The following DAGLB variants were observed in gnomAD, a reference collection of about 807,000 sequenced individuals.
DAGLB encodes diacylglycerol lipase beta, also known as diacylglycerol lipase-beta.
A neutral mutation model predicts 72.1 loss-of-function variants in DAGLB; 66 were observed. The observed-to-expected ratio is 0.92, with a 90% CI of 0.75 to 1.12. The LOEUF (loss-of-function observed/expected upper bound fraction) is 1.12, where lower values mean the gene tolerates loss of function less well. Ranked by LOEUF, DAGLB falls within the 50% of genes most tolerant of loss-of-function variation. The pLI, the probability that DAGLB is intolerant of heterozygous loss-of-function variation, is 0.00. For missense variants in DAGLB, 1,065 were observed against 884.9 expected, an observed-to-expected ratio of 1.20 and a Z score of -2.58; for synonymous variants, 414 against 359.5, an observed-to-expected ratio of 1.15 and a Z score of -1.71.
At position 6,409,865 on chromosome 7, in the gene DAGLB, T is replaced by C. The variant is rs2303361; in HGVS notation, c.1991A>G (p.Gln664Arg). Reference sequence around the variant, plus strand: ...GGCCACGTCCACACTGGAGACCCCTTGTGCTGGACAGGAGACGCAGGCCGC... The same window carrying C: ...GGCCACGTCCACACTGGAGACCCCTCGTGCTGGACAGGAGACGCAGGCCGC... Reference protein sequence around the residue: ...DRAACVSCPAQGVSSVDVA With the variant: ...DRAACVSCPARGVSSVDVA Residue 664 changes from glutamine (Q) to arginine (R), a missense_variant, in exon 15 of 15, where the codon CAA becomes CGA. Coordinates refer to ENST00000297056, the MANE Select transcript of DAGLB (RefSeq NM_139179.4). 0.21 allele frequency: 344,688 copies of C among 1,613,814 alleles called. 38,983 individuals carry two copies. The highest frequency in any genetic ancestry group is 0.23 in the Non-Finnish European group (275,638 of 1,179,968).
chr7:6,412,886 G>T lies in DAGLB; in HGVS notation c.1497-3C>A. On this transcript the variant is annotated splice_polypyrimidine_tract_variant and splice_region_variant and intron_variant, in intron 12 of 14. Coordinates refer to ENST00000297056, the MANE Select transcript of DAGLB (RefSeq NM_139179.4). ...CTTCCAAGTTGGTCACACTGAGCCT[G>T]TTTAGCAAAGGGGCACACTGAGGCT... The T allele has an allele frequency of 6.2e-7, 1 of 1,610,342 alleles. No individual in the cohort carries two copies. Among genetic ancestry groups the T allele is most frequent in the Non-Finnish European group, 8.5e-7 (1 of 1,178,100 alleles).
intron 7 of DAGLB, among the ~76,000 whole-genome samples, 169 bp downstream of exon 7, chr7:6,425,819 C>G (rs1156350542): frequency 2.0e-5 from 3 of 152,238 alleles, no homozygotes; most frequent in Non-Finnish European, 4.4e-5. Flanking sequence ...ACCAGGGCAT[C>G]TGTGTGGCTC....
chr7:6,429,427 T>C (rs906007888), intron 6 of DAGLB, among the ~76,000 whole-genome samples: 97 of 151,446 alleles, frequency 6.4e-4, no homozygotes, highest in African/African-American at 2.1e-3. Context: ...CAACTAGATG[T>C]AACGCATCAT....
intron 6 of DAGLB, among the ~76,000 whole-genome samples, chr7:6,429,690 C>T (rs774241526): frequency 6.6e-6 from 1 of 151,994 alleles, no homozygotes; most frequent in Admixed American, 6.6e-5. Flanking sequence ...ACCACAAGGT[C>T]AGGAGTTCCA....
chr7:6,412,977 A>ATCCT lies in DAGLB; in HGVS notation c.1481_1484dup (p.Asp495GlufsTer28). ...CCAGGTGGGCTTACCTGGGAATCACATCCTTCCCCAGGACGAGTGACACGA... is the reference window on the plus strand; with the variant it reads ...CCAGGTGGGCTTACCTGGGAATCACATCCTTCCTTCCCCAGGACGAGTGACACGA... On this transcript the variant is annotated frameshift_variant, in exon 12 of 15. Coordinates refer to ENST00000297056, the MANE Select transcript of DAGLB (RefSeq NM_139179.4). LOFTEE classifies it high-confidence loss of function. 1 of 1,613,958 alleles carries ATCCT rather than the reference A, an allele frequency of 6.2e-7. No homozygotes were observed.
chr7:6,446,755 T>A (rs1785018609), intron 1 of DAGLB, among the ~76,000 whole-genome samples: 1 of 150,728 alleles, frequency 6.6e-6, no homozygotes, highest in African/African-American at 2.4e-5. Context: ...ACGTCTGTAA[T>A]CCTAGCACTT....
chr7:6,447,934 T>A lies in DAGLB; in HGVS notation c.-92A>T, dbSNP rs917812207. The A allele has an allele frequency of 3.4e-6, 5 of 1,466,484 alleles. No individual in the cohort carries two copies. The African/African-American group carries it at 7.2e-5, about 21-fold the overall frequency. 90.8% of individuals were successfully genotyped at this position (1,466,484 alleles called of 1,614,324 possible). On this transcript the variant is annotated 5_prime_UTR_variant, in exon 1 of 15. Transcript: ENST00000297056. ...CCCTCCGGACGCCGCCACCAAATTA[T>A]CGGCGCTCAAGCGCAAACGCAGCGA...
At position 6,410,319 on chromosome 7, in the gene DAGLB, G is replaced by A; in HGVS notation, c.1631C>T (p.Pro544Leu). ...ELFGGNPNNLPTELDGGDQEV... is the reference protein window; with the variant it reads ...ELFGGNPNNLLTELDGGDQEV... ...CTGGTCGCCCCCGTCCAGCTCCGTG[G>A]GCAAGTTGTTGGGGTTTCCTCCAAA... The change falls in exon 14 of 15, where the codon CCC becomes CTC. Residue 544 changes from proline (P) to leucine (L), a missense_variant. By Grantham distance (98) the Pro-to-Leu change is moderately conservative. Transcript: ENST00000297056. 6.2e-7 allele frequency: 1 copy of A among 1,614,114 alleles called. No homozygotes were observed. The highest frequency in any genetic ancestry group is 8.5e-7 in the Non-Finnish European group (1 of 1,180,004).
At position 6,435,033 on chromosome 7, in the gene DAGLB, G is replaced by C. The variant is rs1257674370; in HGVS notation, c.420-13C>G. 8.7e-6 allele frequency: 14 copies of C among 1,611,698 alleles called. No individual in the cohort carries two copies. Among genetic ancestry groups the C allele is most frequent in the South Asian group, 7.7e-5 (7 of 90,982 alleles). ...GATGATGATCCAACTGCAAGACAGA[G>C]AGAGGAAAAGGCTCGGTGACTGCGG... On this transcript the variant is annotated splice_polypyrimidine_tract_variant and intron_variant, in intron 3 of 14. Transcript: ENST00000297056.
intron 3 of DAGLB, among the ~76,000 whole-genome samples, 187 bp downstream of exon 3, chr7:6,436,175 C>T (rs551094716): frequency 9.2e-5 from 14 of 151,890 alleles, no homozygotes; most frequent in Non-Finnish European, 1.5e-4. Context: ...ACGTGCATAA[C>T]GAAAGACGAG....
At chr7:6,438,732 G>A (rs780724309) in intron 2 of DAGLB, among the ~76,000 whole-genome samples, 2 of 152,134 alleles carry the variant, frequency 1.3e-5, no homozygotes, top group African/African-American at 2.4e-5. Flanking sequence ...TCTGATTAAG[G>A]TTCCAGAAAA....
chr7:6,415,087 G>A (rs1783858774), intron 11 of DAGLB, among the ~76,000 whole-genome samples: 1 of 114,132 alleles, frequency 8.8e-6, no homozygotes, highest in Non-Finnish European at 1.6e-5. Flanking sequence ...CCTGAGCACA[G>A]GAGGCAGAGG....
At chr7:6,444,287 T>C (rs560343926) in intron 2 of DAGLB, among the ~76,000 whole-genome samples, 67 of 151,730 alleles carry the variant, frequency 4.4e-4, no homozygotes, top group African/African-American at 1.5e-3. Context: ...AACAACAAAA[T>C]AGTTGTAACC....
intron 5 of DAGLB, among the ~76,000 whole-genome samples, chr7:6,432,335 A>C (rs1004103182): frequency 6.8e-6 from 1 of 148,120 alleles, no homozygotes; most frequent in Middle Eastern, 3.7e-3. Context: ...CAAGAGCAAA[A>C]CTCCATCTCA....
At chr7:6,428,908 G>A (rs1784395445) in intron 6 of DAGLB, among the ~76,000 whole-genome samples, 1 of 152,134 alleles carries the variant, frequency 6.6e-6, no homozygotes, top group African/African-American at 2.4e-5. Context: ...GGGCTCAAGT[G>A]TTTCTCCTGC....
chr7:6,442,752 T>A (rs908600178), intron 2 of DAGLB, among the ~76,000 whole-genome samples: 1 of 152,108 alleles, frequency 6.6e-6, no homozygotes. Context: ...TCTAGAGGCA[T>A]ACTAAAATAC....
chr7:6,409,969 T>G lies in DAGLB; in HGVS notation c.1887A>C (p.Ile629=), dbSNP rs767269752. Residue 629 remains isoleucine, a synonymous_variant, in exon 15 of 15, where the codon ATA becomes ATC. Transcript: ENST00000297056. The stretch of plus-strand genomic sequence containing the variant: ...CGGTGAGCATCTTCGGACCTATGAG[T>G]ATTTTGCTGAATTCCGCTTCGTGTG... ...KWSHEAEFSK[I]LIGPKMLTDH... 6.2e-7 allele frequency: 1 copy of G among 1,613,984 alleles called. No individual in the cohort carries two copies. Among genetic ancestry groups the G allele is most frequent in the South Asian group, 1.1e-5 (1 of 91,078 alleles).
At position 6,412,792 on chromosome 7, in the gene DAGLB, C is replaced by A. The variant is rs140982418; in HGVS notation, c.1569+19G>T. ...AGGCCCCGTGTCCTGCTGACCCTCT[C>A]AACAAGGCACCCGCTTACCTTGGGT... is the stretch of plus-strand genomic sequence containing the variant. On this transcript the variant is annotated intron_variant, in intron 13 of 14. Coordinates refer to ENST00000297056, the MANE Select transcript of DAGLB (RefSeq NM_139179.4). 367 of 1,570,234 alleles carry A rather than the reference C, an allele frequency of 2.3e-4. 2 individuals carry two copies. In the East Asian group the frequency reaches 6.5e-3, roughly 28 times the overall value.
Position 6,425,981 on chromosome 7 carries a change from T to C in DAGLB, c.1056+7A>G. On this transcript the variant is annotated splice_region_variant and intron_variant, in intron 7 of 14. Transcript: ENST00000297056. ...AAGTGAAGAGCCGCTGTCTGCAGCGTCCACACCTTGTCATGGAAGCTGACG... is the reference window on the plus strand; with the variant it reads ...AAGTGAAGAGCCGCTGTCTGCAGCGCCCACACCTTGTCATGGAAGCTGACG... 1.2e-6 allele frequency: 2 copies of C among 1,614,028 alleles called. No homozygotes were observed. The highest frequency in any genetic ancestry group is 1.7e-6 in the Non-Finnish European group (2 of 1,179,910).
Sources: allele counts gnomAD v4.1 joint callset (sites outside exome capture counted in the v4.1 genomes callset), GRCh38; gene constraint gnomAD v4.1.1; transcripts MANE v1.5; gene names NCBI Gene and HGNC (gene_info 2026-07-23, HGNC 2026-07-21).